The following CYP1A1 variants were observed in gnomAD, a reference collection of about 807,000 sequenced individuals.
The protein encoded by CYP1A1 is cytochrome P450 1A1.
A neutral mutation model predicts 33.6 loss-of-function variants in CYP1A1; 43 were observed. That is an observed-to-expected ratio of 1.28 (90% CI 1.00 to 1.65). The LOEUF is 1.65. Among genes scored for constraint, CYP1A1 ranks in the 40% most tolerant of loss-of-function variants. CYP1A1 has a pLI of 0.00. For missense variants in CYP1A1, 637 were observed against 653.7 expected, an observed-to-expected ratio of 0.97 and a Z score of 0.28; for synonymous variants, 280 against 257.8, an observed-to-expected ratio of 1.09 and a Z score of -0.83.
chr15:74,721,054 C>T lies in CYP1A1; in HGVS notation c.1167-1G>A, dbSNP rs573868194. On this transcript the variant is annotated splice_acceptor_variant, in intron 5 of 6. Coordinates refer to ENST00000379727, the MANE Select transcript of CYP1A1 (RefSeq NM_001319217.2). LOFTEE classifies it high-confidence loss of function. ...TTTCAAACTTGTGTCTCTTGTTGTGCTAGGGAGAAAGGAAGCTCAGTCAGG... is the reference window on the plus strand; with the variant it reads ...TTTCAAACTTGTGTCTCTTGTTGTGTTAGGGAGAAAGGAAGCTCAGTCAGG... 6.2e-7 allele frequency: 1 copy of T among 1,614,058 alleles called. No individual in the cohort carries two copies. Among genetic ancestry groups the T allele is most frequent in the African/African-American group, 1.3e-5 (1 of 75,030 alleles).
Position 74,721,225 on chromosome 15 carries a change from G to A in CYP1A1, c.1140C>T (p.Ser380=), listed in dbSNP as rs1336041232. ...TGTGGGGGATGGTGAAGGGGACGAA[G>A]GAAGAGTGTCGGAAGGTCTCCAGGA... The part of the protein sequence containing the change: ...AFILETFRHS[S]FVPFTIPHST... Residue 380 remains serine, a synonymous_variant, in exon 5 of 7, where the codon TCC becomes TCT. Transcript: ENST00000379727. 5 of 1,613,694 alleles carry A rather than the reference G, an allele frequency of 3.1e-6. No individual in the cohort carries two copies. Among genetic ancestry groups the A allele is most frequent in the Non-Finnish European group, 4.2e-6 (5 of 1,179,752 alleles).
intron 2 of CYP1A1, 182 bp downstream of exon 2, chr15:74,722,091 A>G: frequency 3.3e-6 from 2 of 615,026 alleles, no homozygotes; most frequent in South Asian, 4.1e-5. Flanking sequence ...TGGAAGGGTT[A>G]GTCAAGATAA....
Position 74,720,416 on chromosome 15 carries a change from T to C in CYP1A1, c.*73A>G. 6 of 1,474,876 alleles carry C rather than the reference T, an allele frequency of 4.1e-6. No individual in the cohort carries two copies. Among genetic ancestry groups the C allele is most frequent in the Non-Finnish European group, 5.5e-6 (6 of 1,099,490 alleles). The allele number at this position is 1,474,876 out of a possible 1,614,324, so 91.4% of individuals were successfully genotyped here. A position where few individuals can be genotyped will look rare whatever the true frequency, so the allele number is the denominator to read the frequency against. On this transcript the variant is annotated 3_prime_UTR_variant, in exon 7 of 7. Transcript: ENST00000379727. ...GTTTCAGGCTGAACCTTAGACCACA[T>C]AGGCCAGCCTGCTGGTCTGGCTGCC... is the stretch of plus-strand genomic sequence containing the variant.
Position 74,722,823 on chromosome 15 carries a change from A to G in CYP1A1, c.275T>C (p.Ile92Thr), listed in dbSNP as rs2063183922. Reference protein sequence around the residue: ...PVVVLSGLDTIRQALVRQGDD... With the variant: ...PVVVLSGLDTTRQALVRQGDD... ...GCCCTGCCGCACCAGGGCCTGCCGGATGGTGTCCAGGCCGCTCAGCACCAC... is the reference window on the plus strand; with the variant it reads ...GCCCTGCCGCACCAGGGCCTGCCGGGTGGTGTCCAGGCCGCTCAGCACCAC... Residue 92 changes from isoleucine to threonine, a missense_variant, in exon 2 of 7, where the codon ATC becomes ACC. By Grantham distance (89) the Ile-to-Thr change is moderately conservative. Coordinates refer to ENST00000379727, the MANE Select transcript of CYP1A1 (RefSeq NM_001319217.2). 6.8e-6 allele frequency: 11 copies of G among 1,613,862 alleles called. No individual in the cohort carries two copies. Among genetic ancestry groups the G allele is most frequent in the Non-Finnish European group, 9.3e-6 (11 of 1,180,020 alleles).
intron 1 of CYP1A1, among the ~76,000 whole-genome samples, chr15:74,724,672 C>A (rs1367969204): frequency 6.7e-6 from 1 of 149,810 alleles, no homozygotes; most frequent in Non-Finnish European, 1.5e-5. Context: ...CCTGAGTCAA[C>A]AGGGGACAGT....
rs1198021323 is a variant in CYP1A1 at position 74,723,024 on chromosome 15, A to G, written c.74T>C (p.Val25Ala). 14 of 1,613,268 alleles carry G rather than the reference A, an allele frequency of 8.7e-6. No individual in the cohort carries two copies. The highest frequency in any genetic ancestry group is 1.2e-5 in the Non-Finnish European group (14 of 1,179,498). Residue 25 changes from valine to alanine, a missense_variant, in exon 2 of 7, where the codon GTA becomes GCA. By Grantham distance (64) the Val-to-Ala change is moderately conservative. Transcript: ENST00000379727. ...ASVIFCLVFW[V>A]IRASRPQVPK... Reference sequence around the variant, plus strand: ...GACCTGAGGTCTTGAGGCCCTGATTACCCAGAATACCAGACAGAAGATGAC... The same window carrying G: ...GACCTGAGGTCTTGAGGCCCTGATTGCCCAGAATACCAGACAGAAGATGAC...
rs758997626 is a variant in CYP1A1, at chr15:74,722,620, C to T, written c.478G>A (p.Glu160Lys). The change falls in exon 2 of 7, where the codon GAA (glutamate) becomes AAA (lysine). Residue 160 changes from glutamate to lysine, a missense_variant. By Grantham distance (56) the Glu-to-Lys change is moderately conservative. Transcript: ENST00000379727. Reference protein sequence around the residue: ...DPASSTSCYLEEHVSKEAEVL... With the variant: ...DPASSTSCYLKEHVSKEAEVL... Reference sequence around the variant, plus strand: ...TCAGCCTCCTTGCTCACATGCTCTTCCAGGTAGCAGGAGGTTGAGGAGGCT... The same window carrying T: ...TCAGCCTCCTTGCTCACATGCTCTTTCAGGTAGCAGGAGGTTGAGGAGGCT... 2 of 1,614,112 alleles carry T rather than the reference C, an allele frequency of 1.2e-6. No individual in the cohort carries two copies. Among genetic ancestry groups the T allele is most frequent in the East Asian group, 2.2e-5 (1 of 44,888 alleles).
In CYP1A1 at chr15:74,720,986, A is replaced by G. The variant is rs377421606; in HGVS notation, c.1234T>C (p.Trp412Arg). The change falls in exon 6 of 7, where the codon TGG becomes CGG. Residue 412 changes from tryptophan to arginine, a missense_variant. Physicochemically the swap from Trp to Arg is moderately radical, Grantham distance 101. Coordinates refer to ENST00000379727, the MANE Select transcript of CYP1A1 (RefSeq NM_001319217.2). ...PKGRCVFVNQ[W>R]QINHDQKLWV... ...ACTTACTGGTCATGGTTGATCTGCC[A>G]CTGGTTTACAAAGACACAACGCCCC... 6.0e-5 allele frequency: 97 copies of G among 1,614,044 alleles called. No homozygotes were observed. In the East Asian group the frequency reaches 1.0e-3, roughly 17 times the overall value.
Position 74,721,235 on chromosome 15 carries a change from C to T in CYP1A1, c.1130G>A (p.Arg377Gln), listed in dbSNP as rs201174966. 52 of 1,613,722 alleles carry T rather than the reference C, an allele frequency of 3.2e-5. No homozygotes were observed. The highest frequency in any genetic ancestry group is 1.7e-4 in the Admixed American group (10 of 59,984). Reference sequence around the variant, plus strand: ...GGTGAAGGGGACGAAGGAAGAGTGTCGGAAGGTCTCCAGGATGAAGGCCTC... The same window carrying T: ...GGTGAAGGGGACGAAGGAAGAGTGTTGGAAGGTCTCCAGGATGAAGGCCTC... ...YMEAFILETF[R>Q]HSSFVPFTIP... is the part of the protein sequence containing the mutation. The change falls in exon 5 of 7, where the codon CGA becomes CAA. Residue 377 changes from arginine (R) to glutamine (Q), a missense_variant. Transcript: ENST00000379727.
At position 74,720,571 on chromosome 15, in the gene CYP1A1, A is replaced by T. The variant is rs1318511924; in HGVS notation, c.1457T>A (p.Val486Glu). 1 of 1,613,316 alleles carries T rather than the reference A, an allele frequency of 6.2e-7. No homozygotes were observed. Among genetic ancestry groups the T allele is most frequent in the Non-Finnish European group, 8.5e-7 (1 of 1,179,604 alleles). Residue 486 changes from valine (V) to glutamate (E), a missense_variant, in exon 7 of 7, where the codon GTG (valine) becomes GAG (glutamate). Val to Glu is a moderately radical substitution (Grantham distance 121). Coordinates refer to ENST00000379727, the MANE Select transcript of CYP1A1 (RefSeq NM_001319217.2). ...QRVEFSVPLGVKVDMTPIYGL... is the reference protein window; with the variant it reads ...QRVEFSVPLGEKVDMTPIYGL... ...ATAGATGGGGGTCATGTCCACCTTC[A>T]CGCCCAGTGGCACGCTGAATTCCAC... is the stretch of plus-strand genomic sequence containing the variant.
chr15:74,721,936 C>G (rs2063173807), intron 2 of CYP1A1: 1 of 611,130 alleles, frequency 1.6e-6, no homozygotes, highest in Non-Finnish European at 2.9e-6. Context: ...GCGTCTTGTA[C>G]TGTTATCATC....
At chr15:74,721,807 T>C (rs914758529) in intron 2 of CYP1A1, 90 bp from the exon 3 acceptor site, 86 of 1,525,222 alleles carry the variant, frequency 5.6e-5, no homozygotes, top group Non-Finnish European at 7.3e-5. Flanking sequence ...TCCTAGCACA[T>C]TTGTTCTGGA....
intron 1 of CYP1A1, among the ~76,000 whole-genome samples, chr15:74,724,501 G>A (rs1255496732): frequency 6.6e-6 from 1 of 151,740 alleles, no homozygotes; most frequent in East Asian, 1.9e-4. Context: ...GGATCCAGAG[G>A]GAAGAGAAAA....
In CYP1A1 at chr15:74,721,158, T is replaced by G. The variant is rs41279190; in HGVS notation, c.1166+41A>C. 2.2e-3 allele frequency: 3,570 copies of G among 1,608,018 alleles called. 9 individuals carry two copies. The highest frequency in any genetic ancestry group is 5.0e-3 in the Middle Eastern group (30 of 6,018). ...CCCTAATCAGGTATGTGGTCCGGAG[T>G]AAGATCAGTAACAGACAGCAGTGGC... On this transcript the variant is annotated intron_variant, in intron 5 of 6. Transcript: ENST00000379727.
chr15:74,723,165 AGATTGGGG>A (rs1287575251), intron 1 of CYP1A1, 39 bp from the exon 2 acceptor site: 2 of 1,224,684 alleles, frequency 1.6e-6, no homozygotes, highest in African/African-American at 1.5e-5. Flanking sequence ...TCAAGCCGTC[AGATTGGGG>A]GATGAGAAAA....
chr15:74,720,726 G>C lies in CYP1A1; in HGVS notation c.1302C>G (p.Thr434=). Residue 434 remains threonine (T), a synonymous_variant, in exon 7 of 7, where the codon ACC becomes ACG. Coordinates refer to ENST00000379727, the MANE Select transcript of CYP1A1 (RefSeq NM_001319217.2). ...ACACCTTGTCGATAGCACCATCAGG[G>C]GTGAGAAACCGTTCAGGTAGGAACT... is the stretch of plus-strand genomic sequence containing the variant. ...PSEFLPERFL[T]PDGAIDKVLS... is the part of the protein sequence containing the mutation. The C allele has an allele frequency of 6.2e-7, 1 of 1,613,972 alleles. No individual in the cohort carries two copies. The highest frequency in any genetic ancestry group is 8.5e-7 in the Non-Finnish European group (1 of 1,179,962).
intron 4 of CYP1A1, 36 bp from the exon 5 acceptor site, chr15:74,721,358 G>C: frequency 6.2e-7 from 1 of 1,613,960 alleles, no homozygotes. Flanking sequence ...TGCAGGGGCT[G>C]CCTAGACCTG....
Position 74,721,192 on chromosome 15 carries a change from G to T in CYP1A1, c.1166+7C>A, listed in dbSNP as rs1219391410. The T allele has an allele frequency of 8.1e-6, 13 of 1,610,926 alleles. No homozygotes were observed. Among genetic ancestry groups the T allele is most frequent in the Non-Finnish European group, 1.0e-5 (12 of 1,178,452 alleles). On this transcript the variant is annotated splice_region_variant and intron_variant, in intron 5 of 6. Coordinates refer to ENST00000379727, the MANE Select transcript of CYP1A1 (RefSeq NM_001319217.2). ...TAACAGACAGCAGTGGCTCCATGGG[G>T]CCTTACCTGTGGGGGATGGTGAAGG...
rs1249796751 is a variant in CYP1A1 at position 74,720,774 on chromosome 15, C to T, written c.1254G>A (p.Gln418=). Residue 418 remains glutamine (Q), a splice_region_variant and synonymous_variant, in exon 7 of 7, where the codon CAG becomes CAA. Transcript: ENST00000379727. The part of the protein sequence containing the change: ...FVNQWQINHD[Q]KLWVNPSEFL... ...ACTCAGATGGGTTGACCCATAGCTT[C>T]CTGTAACCAGAGGGAGACAGCTGAA... 2 of 1,607,362 alleles carry T rather than the reference C, an allele frequency of 1.2e-6. No individual in the cohort carries two copies. The highest frequency in any genetic ancestry group is 1.7e-5 in the Admixed American group (1 of 59,486).
Sources: gnomAD v4.1 joint callset for allele counts (sites outside exome capture counted in the v4.1 genomes callset) on GRCh38, gnomAD v4.1.1 for gene constraint, MANE v1.5 for transcripts, NCBI Gene and HGNC (gene_info 2026-07-23, HGNC 2026-07-21) for gene names.